Variants in SNAP23 observed in about 807,000 individuals in gnomAD.
SNAP23 encodes the protein synaptosome associated protein 23, also known as synaptosomal-associated protein 23.
A neutral mutation model predicts 29.0 loss-of-function variants in SNAP23; 11 were observed. That is an observed-to-expected ratio of 0.38 (90% confidence interval 0.24 to 0.63). SNAP23 has a LOEUF of 0.63. Ranked by LOEUF, SNAP23 falls within the 20% of genes least tolerant of loss-of-function variation. SNAP23 has a pLI of 0.58. For synonymous variants in SNAP23, 60 were observed against 82.9 expected, an observed-to-expected ratio of 0.72 and a Z score of 1.50; for missense variants, 220 against 253.9, an observed-to-expected ratio of 0.87 and a Z score of 0.91.
At position 42,507,690 on chromosome 15, in the gene SNAP23, G is replaced by C. The variant is rs75951798; in HGVS notation, c.-14-4143G>C. 9.7e-3 allele frequency among the ~76,000 whole-genome samples: 1,473 copies of C among 152,240 alleles called. 17 individuals are homozygous for C. The highest frequency in any genetic ancestry group is 0.034 in the African/African-American group (1,410 of 41,538). ...TGCAGAGAATAATAAATATGAGTAA[G>C]GCTATGTAGCTAATTATAGGTTACA... is the stretch of plus-strand genomic sequence containing the variant. On this transcript the variant is annotated intron_variant, in intron 1 of 7. Coordinates refer to ENST00000249647, the MANE Select transcript of SNAP23 (RefSeq NM_003825.4).
chr15:42,492,595 T>C (rs12908611), upstream of SNAP23, among the ~76,000 whole-genome samples: 24,282 of 145,300 alleles, frequency 0.17, 2,682 homozygotes, highest in Non-Finnish European at 0.24. Flanking sequence ...GGAGAATCGC[T>C]TGAACCCGGG....
intron 5 of SNAP23, among the ~76,000 whole-genome samples, chr15:42,524,680 G>A (rs1201362437): frequency 6.6e-6 from 1 of 152,228 alleles, no homozygotes; most frequent in African/African-American, 2.4e-5. Flanking sequence ...AAAAAGGTTG[G>A]GGACTGCTGA....
chr15:42,523,746 T>C (rs1330745206), intron 5 of SNAP23, among the ~76,000 whole-genome samples: 1 of 152,218 alleles, frequency 6.6e-6, no homozygotes, highest in African/African-American at 2.4e-5. Context: ...CTGAATGACA[T>C]GCCTAGGATT....
At chr15:42,512,163 T>C (rs116408563) in intron 2 of SNAP23, 2,739 of 230,450 alleles carry the variant, frequency 0.012, 73 homozygotes, top group African/African-American at 0.058. Flanking sequence ...TACTATGTAT[T>C]TGAGAAATGC....
chr15:42,499,018 C>A (rs1412662572), intron 1 of SNAP23, among the ~76,000 whole-genome samples: 1 of 151,674 alleles, frequency 6.6e-6, no homozygotes, highest in East Asian at 1.9e-4. Context: ...GTTTCTTGTA[C>A]ACTGAATGAA....
intron 5 of SNAP23, among the ~76,000 whole-genome samples, chr15:42,521,252 A>C (rs1230076002): frequency 6.6e-6 from 1 of 152,218 alleles, no homozygotes; most frequent in African/African-American, 2.4e-5. Flanking sequence ...AAAAATATAT[A>C]AGAAAATAAA....
chr15:42,513,904 C>T (rs1434607560), intron 4 of SNAP23, among the ~76,000 whole-genome samples: 1 of 152,104 alleles, frequency 6.6e-6, no homozygotes, highest in Non-Finnish European at 1.5e-5. Flanking sequence ...ACCTCCTCCT[C>T]CTGGGTTCAA....
At chr15:42,514,580 A>T (rs1374086177) in intron 4 of SNAP23, among the ~76,000 whole-genome samples, 1 of 152,134 alleles carries the variant, frequency 6.6e-6, no homozygotes, top group African/African-American at 2.4e-5. Context: ...CTCTTATAAT[A>T]GCCCTCAGGT....
chr15:42,519,558 C>T (rs150622390), intron 5 of SNAP23, among the ~76,000 whole-genome samples: 433 of 146,814 alleles, frequency 2.9e-3, no homozygotes, highest in African/African-American at 0.01. Context: ...TTAGTAGAGA[C>T]GGGGTTTTGC....
At chr15:42,524,677 T>C (rs553718291) in intron 5 of SNAP23, among the ~76,000 whole-genome samples, 3 of 152,264 alleles carry the variant, frequency 2.0e-5, no homozygotes, top group Admixed American at 6.5e-5. Context: ...GCCAAAAAGG[T>C]TGGGGACTGC....
chr15:42,523,078 T>G (rs1020450408), intron 5 of SNAP23, among the ~76,000 whole-genome samples: 5 of 151,608 alleles, frequency 3.3e-5, no homozygotes, highest in Non-Finnish European at 7.4e-5. Flanking sequence ...ACTCCTGACC[T>G]CAAGTAATTC....
At chr15:42,491,240 G>A (rs1321509649), upstream of SNAP23, 1 of 152,410 alleles carries the variant, frequency 6.6e-6, no homozygotes, top group Non-Finnish European at 1.5e-5. Flanking sequence ...CACACAGGAA[G>A]AGGTTTTTCT....
intron 5 of SNAP23, among the ~76,000 whole-genome samples, chr15:42,525,451 CTTTTTTTTTTTTTTT>C (rs1158969519): frequency 1.7e-3 from 78 of 47,196 alleles, no homozygotes; most frequent in Non-Finnish European, 2.4e-3. Context: ...ATCCAGTCTT[CTTTTTTTTTTTTTTT>C]TTTTTTTTTT....
chr15:42,515,316 C>T lies in SNAP23; in HGVS notation c.228C>T (p.Leu76=). ...MRETEKTLTE[L]NKCCGLCVCP... ...AGACAGAGAAGACTTTAACAGAACT[C>T]AACAAATGCTGTGGCCTTTGTGTCT... Residue 76 remains leucine (L), a synonymous_variant, in exon 5 of 8, where the codon CTC becomes CTT. Coordinates refer to ENST00000249647, the MANE Select transcript of SNAP23 (RefSeq NM_003825.4). 6.2e-7 allele frequency: 1 copy of T among 1,612,186 alleles called. No homozygotes were observed.
chr15:42,531,526 C>A lies in SNAP23; in HGVS notation c.*48C>A. On this transcript the variant is annotated 3_prime_UTR_variant, in exon 8 of 8. Coordinates refer to ENST00000249647, the MANE Select transcript of SNAP23 (RefSeq NM_003825.4). ...CATTTATTCACTTCCGTAGCTCCTC[C>A]TTGAAAGTTATTACCTTTTCAGAGT... is the stretch of plus-strand genomic sequence containing the variant. 1 of 1,420,538 alleles carries A rather than the reference C, an allele frequency of 7.0e-7. No individual in the cohort carries two copies. Among genetic ancestry groups the A allele is most frequent in the Non-Finnish European group, 9.8e-7 (1 of 1,022,986 alleles). The allele number at this position is 1,420,538 out of a possible 1,614,324, so 88.0% of individuals were successfully genotyped here. A position where few individuals can be genotyped will look rare whatever the true frequency, so the allele number is the denominator to read the frequency against.
chr15:42,514,204 C>T (rs1161980584), intron 4 of SNAP23, among the ~76,000 whole-genome samples: 2 of 151,548 alleles, frequency 1.3e-5, no homozygotes, highest in Non-Finnish European at 2.9e-5. Context: ...GTGGTGCAAT[C>T]GTGGCTTACT....
chr15:42,501,474 G>A (rs1409734473), intron 1 of SNAP23, among the ~76,000 whole-genome samples: 3 of 152,040 alleles, frequency 2.0e-5, no homozygotes, highest in African/African-American at 4.8e-5. Flanking sequence ...ATCATAGCTC[G>A]CTGCAGCCTC....
intron 1 of SNAP23, among the ~76,000 whole-genome samples, chr15:42,510,284 C>T (rs1400132381): frequency 2.0e-5 from 3 of 151,942 alleles, no homozygotes; most frequent in Non-Finnish European, 4.4e-5. Context: ...TACAGGTGTG[C>T]GCCACCATGC....
At chr15:42,517,367 A>T (rs1047577596) in intron 5 of SNAP23, among the ~76,000 whole-genome samples, 1 of 152,212 alleles carries the variant, frequency 6.6e-6, no homozygotes, top group Non-Finnish European at 1.5e-5. Context: ...TGTTCCATGT[A>T]CCTTCTTGGA....
Sources: allele counts gnomAD v4.1 joint callset (sites outside exome capture counted in the v4.1 genomes callset), GRCh38; gene constraint gnomAD v4.1.1; transcripts MANE v1.5; gene names NCBI Gene and HGNC (gene_info 2026-07-23, HGNC 2026-07-21).